Variants in CLRN1 observed in about 807,000 individuals in gnomAD.
CLRN1 encodes the protein clarin 1.
CLRN1 carries 15 observed loss-of-function variants against 18.7 expected under a neutral mutation model. The ratio of observed to expected loss-of-function variants is 0.80; its 90% CI spans 0.54 to 1.23. CLRN1 has a LOEUF of 1.23. Ranked by LOEUF, CLRN1 falls within the 50% of genes most tolerant of loss-of-function variation. The pLI is 0.00. For synonymous variants in CLRN1, 104 were observed against 102.9 expected, an observed-to-expected ratio of 1.01 and a Z score of -0.07; for missense variants, 311 against 277.5, an observed-to-expected ratio of 1.12 and a Z score of -0.86.
intron 1 of CLRN1, among the ~76,000 whole-genome samples, chr3:150,964,300 A>G (rs562341518): frequency 6.6e-6 from 1 of 152,336 alleles, no homozygotes; most frequent in South Asian, 2.1e-4. Flanking sequence ...ACAAACATGA[A>G]AAAAAGCTCA....
At chr3:150,965,216 A>G (rs188057083) in intron 1 of CLRN1, among the ~76,000 whole-genome samples, 2 of 152,142 alleles carry the variant, frequency 1.3e-5, no homozygotes, top group African/African-American at 2.4e-5. Context: ...CCTATTAGCT[A>G]TGTGACTTTG....
At chr3:150,966,218 G>A (rs983621164) in intron 1 of CLRN1, among the ~76,000 whole-genome samples, 1 of 152,220 alleles carries the variant, frequency 6.6e-6, no homozygotes, top group African/African-American at 2.4e-5. Flanking sequence ...GGAGGCTGAG[G>A]TGGGAGGATT....
At position 150,972,570 on chromosome 3, in the gene CLRN1, C is replaced by T; in HGVS notation, c.139G>A (p.Val47Ile). 3.1e-6 allele frequency: 5 copies of T among 1,614,232 alleles called. No individual in the cohort carries two copies. The highest frequency in any genetic ancestry group is 2.2e-5 in the South Asian group (2 of 91,088). Residue 47 changes from valine (V) to isoleucine (I), a missense_variant, in exon 1 of 3, where the codon GTC (valine) becomes ATC (isoleucine). Coordinates refer to ENST00000327047, the MANE Select transcript of CLRN1 (RefSeq NM_174878.3). ...TCCAGCTCCTGCCCTGAGGCATTGA[C>T]GAGCAGAGCTCCCGTTTTGCAGAGG... ...TVLCKTGALL[V>I]NASGQELDKF...
Position 150,941,643 on chromosome 3 carries a change from A to T in CLRN1, c.372T>A (p.Phe124Leu). The change falls in exon 2 of 3, where the codon TTT becomes TTA. Residue 124 changes from phenylalanine to leucine, a missense_variant. Transcript: ENST00000327047. ...VGTAFFMYNA[F>L]GKPFETLHGP... The stretch of plus-strand genomic sequence containing the variant: ...CATGCAGAGTTTCAAAAGGTTTTCC[A>T]AAAGCATTGTACATGAAGAAGGCTG... 6.2e-7 allele frequency: 1 copy of T among 1,614,092 alleles called. No homozygotes were observed. Among genetic ancestry groups the T allele is most frequent in the South Asian group, 1.1e-5 (1 of 91,074 alleles).
Position 150,941,469 on chromosome 3 carries a change from T to C in CLRN1, c.433+113A>G, listed in dbSNP as rs577971989. The C allele has an allele frequency of 2.5e-4, 268 of 1,070,854 alleles. No individual in the cohort carries two copies. In the African/African-American group the frequency reaches 3.5e-3, roughly 14 times the overall value. 66.3% of individuals were successfully genotyped at this position (1,070,854 alleles called of 1,614,324 possible). A position where few individuals can be genotyped will look rare whatever the true frequency, so the allele number is the denominator to read the frequency against. Reference sequence around the variant, plus strand: ...CACTTTTTGTTATTATGTATAATACTACAGTGTGCATCCATGTATATATGT... The same window carrying C: ...CACTTTTTGTTATTATGTATAATACCACAGTGTGCATCCATGTATATATGT... On this transcript the variant is annotated intron_variant, in intron 2 of 2. Coordinates refer to ENST00000327047, the MANE Select transcript of CLRN1 (RefSeq NM_174878.3).
At chr3:150,964,674 G>A (rs150130669) in intron 1 of CLRN1, among the ~76,000 whole-genome samples, 4 of 152,318 alleles carry the variant, frequency 2.6e-5, no homozygotes, top group Non-Finnish European at 5.9e-5. Context: ...ATCAATGATA[G>A]ACTAGATTAA....
rs1712902524 is a variant in CLRN1, at chr3:150,927,858, G to T, written c.*78C>A. 2.0e-6 allele frequency: 3 copies of T among 1,526,698 alleles called. No individual in the cohort carries two copies. Among genetic ancestry groups the T allele is most frequent in the East Asian group, 2.3e-5 (1 of 44,416 alleles). 94.6% of individuals were successfully genotyped at this position (1,526,698 alleles called of 1,614,324 possible). ...ATGCTTTAATATATGCAGACTAAAA[G>T]GATATGCAAAATTAACCACATCTAA... is the stretch of plus-strand genomic sequence containing the variant. On this transcript the variant is annotated 3_prime_UTR_variant, in exon 3 of 3. Coordinates refer to ENST00000327047, the MANE Select transcript of CLRN1 (RefSeq NM_174878.3).
chr3:150,970,798 G>A (rs1320105997), intron 1 of CLRN1, among the ~76,000 whole-genome samples: 4 of 151,940 alleles, frequency 2.6e-5, no homozygotes, highest in Non-Finnish European at 4.4e-5. Context: ...GCAAAAGGAG[G>A]GGCACCCAAT....
At chr3:150,966,649 A>C (rs758841422) in intron 1 of CLRN1, among the ~76,000 whole-genome samples, 6 of 152,200 alleles carry the variant, frequency 3.9e-5, no homozygotes, top group African/African-American at 1.2e-4. Flanking sequence ...TTAACATGCA[A>C]TTTCCCACAC....
At chr3:150,970,763 C>T (rs1715493110) in intron 1 of CLRN1, among the ~76,000 whole-genome samples, 1 of 152,064 alleles carries the variant, frequency 6.6e-6, no homozygotes, top group Non-Finnish European at 1.5e-5. Flanking sequence ...TTAAACCCCA[C>T]CAGTTCTGCA....
chr3:150,969,111 GAA>G (rs113531568), intron 1 of CLRN1, among the ~76,000 whole-genome samples: 254 of 136,760 alleles, frequency 1.9e-3, no homozygotes, highest in Admixed American at 4.8e-3. Flanking sequence ...ACAGCGTCAA[GAA>G]AAAAAAAAAC....
chr3:150,943,475 T>A (rs1323334781), intron 1 of CLRN1, among the ~76,000 whole-genome samples: 1 of 152,184 alleles, frequency 6.6e-6, no homozygotes, highest in African/African-American at 2.4e-5. Context: ...TGGAGAGATG[T>A]GACTTGACTT....
At chr3:150,966,453 C>T (rs1271858383) in intron 1 of CLRN1, among the ~76,000 whole-genome samples, 2 of 152,172 alleles carry the variant, frequency 1.3e-5, no homozygotes, top group Non-Finnish European at 2.9e-5. Flanking sequence ...CTTGGAAAAA[C>T]AGAGAAAGCA....
chr3:150,933,238 A>G (rs201910484), intron 2 of CLRN1, among the ~76,000 whole-genome samples: 1 of 152,190 alleles, frequency 6.6e-6, no homozygotes, highest in East Asian at 1.9e-4. Flanking sequence ...ACAGGTACAA[A>G]TCCTTTTCTT....
intron 2 of CLRN1, among the ~76,000 whole-genome samples, chr3:150,934,536 C>A (rs1330818470): frequency 6.6e-6 from 1 of 152,168 alleles, no homozygotes; most frequent in African/African-American, 2.4e-5. Flanking sequence ...AAGGCCTGAA[C>A]CAATACCTTT....
chr3:150,949,843 C>T (rs1453219975), intron 1 of CLRN1, among the ~76,000 whole-genome samples: 1 of 152,056 alleles, frequency 6.6e-6, no homozygotes, highest in Non-Finnish European at 1.5e-5. Flanking sequence ...AAAAAGAGCC[C>T]AAATGGCCAA....
At chr3:150,941,096 A>G (rs1713792392) in intron 2 of CLRN1, among the ~76,000 whole-genome samples, 1 of 151,754 alleles carries the variant, frequency 6.6e-6, no homozygotes, top group South Asian at 2.1e-4. Flanking sequence ...GGTCAGAGAC[A>G]ACCACGACCA....
At position 150,928,155 on chromosome 3, in the gene CLRN1, T is replaced by G. The variant is rs375720340; in HGVS notation, c.480A>C (p.Lys160Asn). The G allele has an allele frequency of 8.1e-6, 13 of 1,613,756 alleles. No individual in the cohort carries two copies. The Admixed American group carries it at 1.5e-4, about 19-fold the overall frequency. Residue 160 changes from lysine (K) to asparagine (N), a missense_variant, in exon 3 of 3, where the codon AAA becomes AAC. Lys to Asn is a moderately conservative substitution (Grantham distance 94, BLOSUM62 0). Transcript: ENST00000327047. ...LVMILFASEV[K>N]IHHLSEKIAN... ...CAATTTTTTCTGAGAGGTGATGGAT[T>G]TTCACTTCAGAGGCAAACAATATCA...
rs147204580 is a variant in CLRN1 at position 150,954,225 on chromosome 3, G to T, written c.254-12464C>A. ...AAGAAGCTGCGGAGTGTTTTCCAAA[G>T]TGGCTGTACCATTCACCTTCCCACT... is the stretch of plus-strand genomic sequence containing the variant. On this transcript the variant is annotated intron_variant, in intron 1 of 2. Coordinates refer to ENST00000327047, the MANE Select transcript of CLRN1 (RefSeq NM_174878.3). Among the ~76,000 whole-genome samples, 863 of 152,300 alleles carry T rather than the reference G, an allele frequency of 5.7e-3. 4 individuals are homozygous for T. Among genetic ancestry groups the T allele is most frequent in the African/African-American group, 0.019 (796 of 41,570 alleles).
Sources: gnomAD v4.1 joint callset for allele counts (sites outside exome capture counted in the v4.1 genomes callset) on GRCh38, gnomAD v4.1.1 for gene constraint, MANE v1.5 for transcripts, NCBI Gene and HGNC (gene_info 2026-07-23, HGNC 2026-07-21) for gene names.